CCDC171: variants seen among roughly 807,000 people sequenced by gnomAD.
CCDC171 encodes coiled-coil domain containing 171, also known as coiled-coil domain-containing protein 171.
In CCDC171, 177 loss-of-function variants were observed where a neutral mutation model predicts 168.2. The ratio of observed to expected loss-of-function variants is 1.05; its 90% CI spans 0.93 to 1.19. The LOEUF (loss-of-function observed/expected upper bound fraction) is 1.19, where lower values mean the gene tolerates loss of function less well. Among genes scored for constraint, CCDC171 ranks in the 50% most tolerant of loss-of-function variants. CCDC171 has a pLI of 0.00. For missense variants in CCDC171, 1,991 were observed against 1,539.0 expected (o/e 1.29, Z -4.91); for synonymous variants, 687 against 540.8 (o/e 1.27, Z -3.75).
chr9:15,791,910 A>G (rs1021277072), intron 21 of CCDC171, among the ~76,000 whole-genome samples: 7 of 152,240 alleles, frequency 4.6e-5, no homozygotes, highest in Non-Finnish European at 7.3e-5. Context: ...TCTAAAAATC[A>G]GAGCACCTCT....
chr9:15,952,094 A>G (rs1829254153), intron 25 of CCDC171, among the ~76,000 whole-genome samples: 1 of 152,082 alleles, frequency 6.6e-6, no homozygotes, highest in African/African-American at 2.4e-5. Context: ...ATTCTTTTGC[A>G]TGTGGACATG....
At chr9:15,829,914 T>C (rs1342288097) in intron 21 of CCDC171, among the ~76,000 whole-genome samples, 1 of 152,172 alleles carries the variant, frequency 6.6e-6, no homozygotes, top group African/African-American at 2.4e-5. Flanking sequence ...AGTGAGACCC[T>C]GCTCAAAAAA....
At chr9:15,960,310 A>G (rs1460513564) in intron 25 of CCDC171, among the ~76,000 whole-genome samples, 2 of 152,164 alleles carry the variant, frequency 1.3e-5, no homozygotes, top group South Asian at 2.1e-4. Context: ...TGTTTAATTC[A>G]CTTTTGTATT....
Position 15,821,526 on chromosome 9 carries a change from A to G in CCDC171, c.3268-25176A>G, listed in dbSNP as rs1252330850. Among the ~76,000 whole-genome samples, 4 of 117,826 alleles carry G rather than the reference A, an allele frequency of 3.4e-5. 1 individual carries two copies. The East Asian group carries it at 8.5e-4, about 25-fold the overall frequency. 77.3% of individuals were successfully genotyped at this position (117,826 alleles called of 152,430 possible). ...AAATCAATGTGCAAAAGTCACAAGCATTCTTATACACCAATAACAGACAAA... is the reference window on the plus strand; with the variant it reads ...AAATCAATGTGCAAAAGTCACAAGCGTTCTTATACACCAATAACAGACAAA... On this transcript the variant is annotated intron_variant, in intron 21 of 25. Coordinates refer to ENST00000380701, the MANE Select transcript of CCDC171 (RefSeq NM_173550.4).
intron 21 of CCDC171, among the ~76,000 whole-genome samples, chr9:15,834,858 G>T (rs1189735752): frequency 6.6e-6 from 1 of 152,162 alleles, no homozygotes; most frequent in East Asian, 1.9e-4. Flanking sequence ...GCTACTTTAT[G>T]GTGGTTTTAT....
intron 1 of CCDC171, among the ~76,000 whole-genome samples, chr9:15,559,083 G>C (rs202183367): frequency 1.5e-4 from 23 of 152,106 alleles, no homozygotes; most frequent in Admixed American, 6.6e-4. Flanking sequence ...TTTGATTGCA[G>C]TGTGGTCTGA....
At chr9:15,798,903 C>T (rs1459433427) in intron 21 of CCDC171, among the ~76,000 whole-genome samples, 4 of 151,622 alleles carry the variant, frequency 2.6e-5, no homozygotes, top group Non-Finnish European at 5.9e-5. Flanking sequence ...ACCTATTTCA[C>T]CTATCACAGT....
At chr9:15,965,962 C>T (rs1452826149) in intron 25 of CCDC171, among the ~76,000 whole-genome samples, 1 of 152,144 alleles carries the variant, frequency 6.6e-6, no homozygotes, top group Non-Finnish European at 1.5e-5. Context: ...AACAATAAAA[C>T]ACCAAGACCA....
At position 16,029,388 on chromosome 9, in the gene CCDC171, G is replaced by T. The variant is rs770933108; in HGVS notation, n.999-6069G>T. Among the ~76,000 whole-genome samples, 298 of 152,316 alleles carry T rather than the reference G, an allele frequency of 2.0e-3. 4 individuals carry two copies. Among genetic ancestry groups the T allele is most frequent in the Non-Finnish European group, 3.6e-3 (243 of 68,030 alleles). On this transcript the variant is annotated intron_variant and non_coding_transcript_variant, in intron 6 of 9. Transcript: ENST00000486641. ...CCTCGTTTTAAAGGACTTGGGTCAGGGATGGTAAATAGATTTTGTCTCTAG... is the reference window on the plus strand; with the variant it reads ...CCTCGTTTTAAAGGACTTGGGTCAGTGATGGTAAATAGATTTTGTCTCTAG...
In CCDC171 at chr9:15,777,686, A is replaced by G. The variant is rs773656243; in HGVS notation, c.2758A>G (p.Met920Val). The G allele has an allele frequency of 2.5e-6, 4 of 1,613,908 alleles. No homozygotes were observed. Among genetic ancestry groups the G allele is most frequent in the African/African-American group, 2.7e-5 (2 of 74,924 alleles). ...AKLMDKISLVMECIPLHSSRS... is the reference protein window; with the variant it reads ...AKLMDKISLVVECIPLHSSRS... ...ACTCATGGATAAAATTAGTCTGGTA[A>G]TGGAATGTATACCTCTGCACAGTAG... The change falls in exon 19 of 26, where the codon ATG (methionine) becomes GTG (valine). Residue 920 changes from methionine (M) to valine (V), a missense_variant. By Grantham distance (21) the Met-to-Val change is conservative. Transcript: ENST00000380701.
chr9:16,105,392 C>T, the CCDC171 span, among the ~76,000 whole-genome samples: 2 of 152,288 alleles, frequency 1.3e-5, no homozygotes, highest in Middle Eastern at 6.8e-3. Context: ...ACCTGCTGTT[C>T]CATGTGTCAC....
At chr9:16,099,626 C>G in the CCDC171 span, among the ~76,000 whole-genome samples, 2 of 152,166 alleles carry the variant, frequency 1.3e-5, no homozygotes, top group African/African-American at 4.8e-5. Flanking sequence ...GTAGGAGGTG[C>G]ATGAAGGGGG....
chr9:15,885,938 C>A (rs187076704), intron 24 of CCDC171: 69 of 152,206 alleles, frequency 4.5e-4, no homozygotes, highest in African/African-American at 1.7e-3. Flanking sequence ...TATATGTTTT[C>A]ATTATATACA....
chr9:15,787,729 C>T (rs1474512088), intron 21 of CCDC171, among the ~76,000 whole-genome samples: 1 of 152,198 alleles, frequency 6.6e-6, no homozygotes, highest in African/African-American at 2.4e-5. Context: ...CTACTGATTA[C>T]ATTCTCTCCT....
intron 3 of CCDC171, among the ~76,000 whole-genome samples, chr9:16,007,928 T>G (rs1465741039): frequency 6.6e-6 from 1 of 152,210 alleles, no homozygotes; most frequent in Non-Finnish European, 1.5e-5. Context: ...TCAATTGGGT[T>G]ATTTGCCTTT....
intron 21 of CCDC171, among the ~76,000 whole-genome samples, chr9:15,785,860 GTGA>G (rs1564403251): frequency 6.6e-6 from 1 of 151,628 alleles, no homozygotes; most frequent in East Asian, 1.9e-4. Flanking sequence ...AACTACCTCT[GTGA>G]GGTAGGTACT....
chr9:15,594,305 A>G, intron 6 of CCDC171, 133 bp downstream of exon 6: 4 of 578,740 alleles, frequency 6.9e-6, no homozygotes, highest in Non-Finnish European at 5.9e-6. Flanking sequence ...GCCACATTTC[A>G]TTTGCTGTTA....
chr9:15,557,590 A>G (rs2038916315), intron 1 of CCDC171, among the ~76,000 whole-genome samples: 1 of 152,188 alleles, frequency 6.6e-6, no homozygotes, highest in African/African-American at 2.4e-5. Flanking sequence ...TTGATTTTGT[A>G]TCCTGAGACT....
chr9:15,608,178 G>T (rs1036831673), intron 6 of CCDC171, among the ~76,000 whole-genome samples: 1 of 152,122 alleles, frequency 6.6e-6, no homozygotes, highest in Admixed American at 6.6e-5. Flanking sequence ...ATTCACAAGG[G>T]CAGAGCTGTC....
Sources: gnomAD v4.1 joint callset for allele counts (sites outside exome capture counted in the v4.1 genomes callset) on GRCh38, gnomAD v4.1.1 for gene constraint, MANE v1.5 for transcripts, NCBI Gene and HGNC (gene_info 2026-07-23, HGNC 2026-07-21) for gene names.